NTM: variants seen among roughly 807,000 people sequenced by gnomAD.
The protein encoded by NTM is neurotrimin, also known as IgLON family member 2.
In NTM, 13 loss-of-function variants were observed where a neutral mutation model predicts 42.1. The observed-to-expected ratio is 0.31, with a 90% CI of 0.20 to 0.49. NTM has a LOEUF of 0.49. NTM is among the 20% of genes least tolerant of loss of function. The probability of loss-of-function intolerance (pLI) is 0.99; values close to 1 mark genes in which losing one functional copy is unlikely to be tolerated. For missense variants in NTM, 373 were observed against 452.8 expected (o/e 0.82, Z 1.60); for synonymous variants, 187 against 179.2 (o/e 1.04, Z -0.35).
chr11:131,374,749 T>C (rs1010070413), intron 1 of NTM, among the ~76,000 whole-genome samples: 4 of 152,192 alleles, frequency 2.6e-5, no homozygotes, highest in Non-Finnish European at 5.9e-5. Context: ...AACTTGTCCC[T>C]TGGGATGAAG....
rs1343585235 is a variant in NTM at position 132,335,282 on chromosome 11, A to G, written c.*136A>G. ...AGAAACACAGCCTCATGGGACAGAA[A>G]TTTGAGGGAGGGGAACAAAGAATAC... On this transcript the variant is annotated 3_prime_UTR_variant, in exon 9 of 9. Coordinates refer to ENST00000683400, the MANE Select transcript of NTM (RefSeq NM_001352005.2). 3 of 925,538 alleles carry G rather than the reference A, an allele frequency of 3.2e-6. No individual in the cohort carries two copies. In the African/African-American group the frequency reaches 5.1e-5, roughly 16 times the overall value. 57.3% of individuals were successfully genotyped at this position (925,538 alleles called of 1,614,324 possible).
chr11:132,082,648 C>T (rs1268829733), intron 2 of NTM, among the ~76,000 whole-genome samples: 1 of 152,156 alleles, frequency 6.6e-6, no homozygotes, highest in African/African-American at 2.4e-5. Flanking sequence ...TATGATTCCC[C>T]CATGTAAAGA....
At chr11:131,947,121 G>T (rs2060429998) in intron 2 of NTM, among the ~76,000 whole-genome samples, 1 of 152,166 alleles carries the variant, frequency 6.6e-6, no homozygotes, top group African/African-American at 2.4e-5. Flanking sequence ...TGCCACACTG[G>T]TAGTTAAAAA....
At chr11:131,583,325 C>T (rs970346950) in intron 1 of NTM, among the ~76,000 whole-genome samples, 1 of 152,198 alleles carries the variant, frequency 6.6e-6, no homozygotes, top group East Asian at 1.9e-4. Flanking sequence ...ATATACTGCA[C>T]ACATTTCATT....
chr11:131,502,241 G>A (rs1170021706), intron 1 of NTM, among the ~76,000 whole-genome samples: 1 of 152,098 alleles, frequency 6.6e-6, no homozygotes, highest in East Asian at 1.9e-4. Flanking sequence ...GCCTCATGAA[G>A]GCATCATGAT....
At chr11:131,385,075 G>A (rs183446504) in intron 1 of NTM, among the ~76,000 whole-genome samples, 26 of 152,320 alleles carry the variant, frequency 1.7e-4, no homozygotes, top group African/African-American at 6.3e-4. Context: ...GCTCCTGGAG[G>A]CCATCATGTG....
chr11:132,166,301 A>G (rs139757521), intron 3 of NTM, among the ~76,000 whole-genome samples: 281 of 152,248 alleles, frequency 1.8e-3, no homozygotes, highest in African/African-American at 6.5e-3. Context: ...TGCCCACCTC[A>G]TGGTCTCTAT....
intron 1 of NTM, among the ~76,000 whole-genome samples, chr11:131,635,618 AAGTT>A (rs1377023820): frequency 3.3e-5 from 5 of 152,284 alleles, no homozygotes; most frequent in African/African-American, 9.6e-5. Flanking sequence ...AGTTGAGCTA[AAGTT>A]AATTTATTAT....
Position 131,720,853 on chromosome 11 carries a change from C to T in NTM, c.83-190711C>T, listed in dbSNP as rs1033693061. ...TCTCTGCCTCAAGTGTTTCATTGATCAAATAAAGGTAATGATAAGGACTTA... is the reference window on the plus strand; with the variant it reads ...TCTCTGCCTCAAGTGTTTCATTGATTAAATAAAGGTAATGATAAGGACTTA... On this transcript the variant is annotated intron_variant, in intron 1 of 8. Transcript: ENST00000683400. Among the ~76,000 whole-genome samples the T allele has an allele frequency of 3.9e-5, 6 of 152,024 alleles. No homozygotes were observed. In the East Asian group the frequency reaches 9.7e-4, roughly 24 times the overall value.
At chr11:132,289,481 C>T (rs987574831) in intron 4 of NTM, among the ~76,000 whole-genome samples, 2 of 152,090 alleles carry the variant, frequency 1.3e-5, no homozygotes, top group Non-Finnish European at 2.9e-5. Context: ...CGTGATTTCC[C>T]CCTGCTCTCC....
chr11:131,659,752 G>A (rs989511833), intron 1 of NTM, among the ~76,000 whole-genome samples: 2 of 152,140 alleles, frequency 1.3e-5, no homozygotes, highest in African/African-American at 2.4e-5. Context: ...GAGCATCTTG[G>A]TTGGAAATCT....
At chr11:131,881,706 G>A (rs2049557643) in intron 1 of NTM, among the ~76,000 whole-genome samples, 1 of 152,202 alleles carries the variant, frequency 6.6e-6, no homozygotes, top group African/African-American at 2.4e-5. Context: ...AAGGCTATAG[G>A]GTTGTCATAT....
At chr11:132,104,932 C>A in intron 2 of NTM, among the ~76,000 whole-genome samples, 1 of 15,850 alleles carries the variant, frequency 6.3e-5, no homozygotes. Context: ...TCCATATATA[C>A]ATATGTATAT....
intron 4 of NTM, among the ~76,000 whole-genome samples, chr11:132,273,309 GTTTTTTT>G (rs57877862): frequency 3.6e-4 from 20 of 55,666 alleles, no homozygotes; most frequent in Admixed American, 1.7e-3. Context: ...GTTGACTAGT[GTTTTTTT>G]TTTTTTTTTT....
intron 6 of NTM, among the ~76,000 whole-genome samples, chr11:132,311,008 A>G (rs1258094044): frequency 1.3e-5 from 2 of 152,170 alleles, no homozygotes; most frequent in East Asian, 1.9e-4. Context: ...AGGTGGTGGT[A>G]TAGGGGATGC....
intron 2 of NTM, among the ~76,000 whole-genome samples, chr11:132,024,997 T>G (rs1593849977): frequency 2.0e-5 from 3 of 152,328 alleles, no homozygotes; most frequent in Admixed American, 2.0e-4. Context: ...TGGAGTAGGT[T>G]GCACAGACCC....
intron 2 of NTM, among the ~76,000 whole-genome samples, chr11:131,948,723 G>A (rs1374151792): frequency 6.6e-6 from 1 of 152,160 alleles, no homozygotes; most frequent in Non-Finnish European, 1.5e-5. Context: ...CGTCCATGCT[G>A]GCAACTGATA....
intron 1 of NTM, among the ~76,000 whole-genome samples, chr11:131,825,073 A>G (rs1002444988): frequency 6.6e-6 from 1 of 152,134 alleles, no homozygotes; most frequent in Admixed American, 6.5e-5. Context: ...GTTCCTTCTG[A>G]GGGCTATGAG....
chr11:132,077,743 A>G (rs1348636815), intron 2 of NTM, among the ~76,000 whole-genome samples: 1 of 152,196 alleles, frequency 6.6e-6, no homozygotes, highest in Non-Finnish European at 1.5e-5. Flanking sequence ...ACAAAGCATG[A>G]AAAATCAAAC....
Sources: allele counts gnomAD v4.1 joint callset (sites outside exome capture counted in the v4.1 genomes callset), GRCh38; gene constraint gnomAD v4.1.1; transcripts MANE v1.5; gene names NCBI Gene and HGNC (gene_info 2026-07-23, HGNC 2026-07-21).